PLEKHA6: variants seen among roughly 807,000 people sequenced by gnomAD.
The protein encoded by PLEKHA6 is pleckstrin homology domain-containing family A member 6.
PLEKHA6 carries 60 observed loss-of-function variants against 116.7 expected under a neutral mutation model. That is an observed-to-expected ratio of 0.51 (90% CI 0.42 to 0.64). The LOEUF is 0.64. PLEKHA6 is among the 30% of genes least tolerant of loss of function. PLEKHA6 has a pLI of 0.00. For synonymous variants in PLEKHA6, 489 were observed against 556.1 expected, an observed-to-expected ratio of 0.88 and a Z score of 1.70; for missense variants, 1,338 against 1,422.7, an observed-to-expected ratio of 0.94 and a Z score of 0.96.
intron 1 of PLEKHA6, among the ~76,000 whole-genome samples, chr1:204,353,623 G>A (rs1036161608): frequency 1.1e-4 from 17 of 152,232 alleles, no homozygotes; most frequent in East Asian, 3.9e-4. Flanking sequence ...CTTTCAGGTC[G>A]CATTGCTTTA....
chr1:204,270,428 G>A (rs1264107264), intron 3 of PLEKHA6, among the ~76,000 whole-genome samples: 1 of 152,062 alleles, frequency 6.6e-6, no homozygotes, highest in African/African-American at 2.4e-5. Context: ...TTAAGTAAGT[G>A]CAAAACTGAA....
At chr1:204,227,920 C>T (rs7519944) in intron 21 of PLEKHA6, among the ~76,000 whole-genome samples, 163 bp downstream of exon 21, 78,505 of 152,038 alleles carry the variant, frequency 0.52, 20,910 homozygotes, top group African/African-American at 0.66. Context: ...GAGCCTAGCA[C>T]AGTACCTGGT....
chr1:204,366,576 C>T (rs1673650770), intron 3 of PLEKHA6, among the ~76,000 whole-genome samples: 1 of 152,004 alleles, frequency 6.6e-6, no homozygotes, highest in South Asian at 2.1e-4. Flanking sequence ...GCCTGGCCAA[C>T]ATGACAAAAC....
At chr1:204,304,170 T>C (rs1671070941) in intron 1 of PLEKHA6, among the ~76,000 whole-genome samples, 1 of 152,224 alleles carries the variant, frequency 6.6e-6, no homozygotes, top group South Asian at 2.1e-4. Context: ...TTTCCAAAGA[T>C]AGAAGACGAC....
chr1:204,359,494 G>T, intron 1 of PLEKHA6, 200 bp downstream of exon 1: 1 of 434,340 alleles, frequency 2.3e-6, no homozygotes, highest in Non-Finnish European at 3.1e-6. Flanking sequence ...GTGGGGGTGG[G>T]GGCACAGGGA....
intron 1 of PLEKHA6, among the ~76,000 whole-genome samples, chr1:204,310,097 G>A (rs996109736): frequency 6.6e-5 from 10 of 151,898 alleles, no homozygotes; most frequent in African/African-American, 2.2e-4. Context: ...TAGGTAGTGG[G>A]CTGGATGTGG....
In PLEKHA6 at chr1:204,221,865, A is replaced by G; in HGVS notation, c.*923T>C. On this transcript the variant is annotated 3_prime_UTR_variant, in exon 23 of 23. Transcript: ENST00000272203. ...CCACTGGTGGGTCCTCCTAGGGATG[A>G]GGTGGGAGGAGCAGAGGAGACAGTC... 1 of 152,640 alleles carries G rather than the reference A, an allele frequency of 6.6e-6. No individual in the cohort carries two copies. The highest frequency in any genetic ancestry group is 1.5e-5 in the Non-Finnish European group (1 of 68,336). 9.5% of individuals were successfully genotyped at this position (152,640 alleles called of 1,614,324 possible). A position where few individuals can be genotyped will look rare whatever the true frequency, so the allele number is the denominator to read the frequency against.
intron 21 of PLEKHA6, among the ~76,000 whole-genome samples, chr1:204,224,531 C>T (rs980318233): frequency 2.0e-5 from 3 of 151,880 alleles, no homozygotes; most frequent in East Asian, 1.9e-4. Context: ...CCTTCCCTGC[C>T]GTCTGTGCAA....
intron 1 of PLEKHA6, among the ~76,000 whole-genome samples, chr1:204,318,110 C>T (rs1409042092): frequency 6.6e-6 from 1 of 152,132 alleles, no homozygotes; most frequent in African/African-American, 2.4e-5. Context: ...CTGAAAGTCA[C>T]TATGTGGGAG....
At chr1:204,339,178 T>C (rs1325612713) in intron 1 of PLEKHA6, among the ~76,000 whole-genome samples, 1 of 152,068 alleles carries the variant, frequency 6.6e-6, no homozygotes, top group Non-Finnish European at 1.5e-5. Context: ...CCCGCTGAGC[T>C]CCCCGATGAC....
intron 1 of PLEKHA6, among the ~76,000 whole-genome samples, chr1:204,330,420 C>T: frequency 6.6e-6 from 1 of 152,264 alleles, no homozygotes; most frequent in East Asian, 1.9e-4. Context: ...GACTTCAAAA[C>T]CACTGAAGCT....
chr1:204,374,886 C>T (rs771316096), intron 1 of PLEKHA6, among the ~76,000 whole-genome samples: 1 of 152,172 alleles, frequency 6.6e-6, no homozygotes, highest in Non-Finnish European at 1.5e-5. Context: ...CCAGCTCTCT[C>T]CTGAAACCAC....
In PLEKHA6 at chr1:204,264,853, G is replaced by GATGGCTC; in HGVS notation, c.381+82_381+88dup. 3.1e-6 allele frequency: 3 copies of GATGGCTC among 960,178 alleles called. No individual in the cohort carries two copies. In the South Asian group the frequency reaches 3.9e-5, roughly 12 times the overall value. 59.5% of individuals were successfully genotyped at this position (960,178 alleles called of 1,614,324 possible). ...ACCACCACCTGGGATTCCTTAGAGC[G>GATGGCTC]ATGGCTCTTGGCCCTTCTCCATTCC... On this transcript the variant is annotated intron_variant, in intron 6 of 22. Coordinates refer to ENST00000272203, the MANE Select transcript of PLEKHA6 (RefSeq NM_014935.5).
intron 9 of PLEKHA6, among the ~76,000 whole-genome samples, chr1:204,255,957 T>G (rs1428452956): frequency 6.6e-6 from 1 of 151,962 alleles, no homozygotes; most frequent in East Asian, 1.9e-4. Flanking sequence ...GAGAGGTGAG[T>G]GTCATCAGAG....
Position 204,257,957 on chromosome 1 carries a change from G to C in PLEKHA6, c.1008-88C>G. The stretch of plus-strand genomic sequence containing the variant: ...CCCCACCTCCAGGTCCCCCAGCCTA[G>C]AGCAGGGTGCTTGAATAGGTACACA... On this transcript the variant is annotated intron_variant, in intron 8 of 22. Coordinates refer to ENST00000272203, the MANE Select transcript of PLEKHA6 (RefSeq NM_014935.5). This position sits in a 1 kb window ranked among gnomAD's most constrained non-coding sequence, Gnocchi z 6.5. The C allele has an allele frequency of 8.0e-7, 1 of 1,254,794 alleles. No homozygotes were observed. Among genetic ancestry groups the C allele is most frequent in the Non-Finnish European group, 1.1e-6 (1 of 900,346 alleles). 77.7% of individuals were successfully genotyped at this position (1,254,794 alleles called of 1,614,324 possible).
intron 1 of PLEKHA6, among the ~76,000 whole-genome samples, chr1:204,340,121 A>G (rs1672792735): frequency 1.3e-5 from 2 of 152,202 alleles, no homozygotes; most frequent in African/African-American, 2.4e-5. Context: ...GAAGGAGACA[A>G]TATTTTGGAA....
At chr1:204,248,738 T>G in intron 12 of PLEKHA6, 83 bp downstream of exon 12, 1 of 1,323,716 alleles carries the variant, frequency 7.6e-7, no homozygotes, top group Non-Finnish European at 1.1e-6. Flanking sequence ...AAAACTGGAC[T>G]AGGACAGCAC....
rs781604304 is a variant in PLEKHA6 at position 204,259,387 on chromosome 1, C to T, written c.878G>A (p.Gly293Glu). Residue 293 changes from glycine to glutamate, a missense_variant, in exon 8 of 23, where the codon GGG becomes GAG. Physicochemically the swap from Gly to Glu is moderately conservative, Grantham distance 98 (BLOSUM62 -2). Around this residue, in one of 3 missense-constraint regions of PLEKHA6, gnomAD observed 1,136 missense variants for 1,163.6 expected, o/e 0.98. Transcript: ENST00000272203. The surrounding 1 kb of genome is among the most constrained non-coding windows in gnomAD (Gnocchi z 4.6). ...TAFPSQDGETGGHRRSFPPRT... is the reference protein window; with the variant it reads ...TAFPSQDGETEGHRRSFPPRT... ...TGGTGGGAAACTCCGCCGGTGTCCC[C>T]CAGTCTCTCCATCCTGAGACGGGAA... 19 of 1,614,116 alleles carry T rather than the reference C, an allele frequency of 1.2e-5. No individual in the cohort carries two copies. Among genetic ancestry groups the T allele is most frequent in the Non-Finnish European group, 1.4e-5 (16 of 1,180,046 alleles).
chr1:204,230,496 C>T lies in PLEKHA6; in HGVS notation c.2500G>A (p.Gly834Ser), dbSNP rs1463698946. 5 of 1,586,490 alleles carry T rather than the reference C, an allele frequency of 3.2e-6. No individual in the cohort carries two copies. The highest frequency in any genetic ancestry group is 4.3e-6 in the Non-Finnish European group (5 of 1,166,242). The change falls in exon 18 of 23, where the codon GGC becomes AGC. Residue 834 changes from glycine (G) to serine (S), a missense_variant. Around this residue, in one of 3 missense-constraint regions of PLEKHA6, gnomAD observed 1,136 missense variants for 1,163.6 expected, o/e 0.98. Transcript: ENST00000272203. ...CTCCTCCGCTTCTCCCTCATGGAGC[C>T]ACTCTGGTGCCGCCGCATTCGGTCA... Reference protein sequence around the residue: ...QIDRMRRHQSGSMREKRRSLQ... With the variant: ...QIDRMRRHQSSSMREKRRSLQ...
Sources: gnomAD v4.1 joint callset for allele counts (sites outside exome capture counted in the v4.1 genomes callset) on GRCh38, gnomAD v4.1.1 for gene constraint, gnomAD v4.1.1 regional missense constraint, Gnocchi (gnomAD v3.1) non-coding constraint, MANE v1.5 for transcripts, NCBI Gene and HGNC (gene_info 2026-07-23, HGNC 2026-07-21) for gene names.